Variants in DLC1 observed in about 807,000 individuals in gnomAD.
The protein encoded by DLC1 is rho GTPase-activating protein 7.
In DLC1, 54 loss-of-function variants were observed where a neutral mutation model predicts 140.3. That is an observed-to-expected ratio of 0.38 (90% CI 0.31 to 0.48). The LOEUF (loss-of-function observed/expected upper bound fraction) is 0.48, where lower values mean the gene tolerates loss of function less well. Among genes scored for constraint, DLC1 ranks in the 20% least tolerant of loss-of-function variants. The pLI, the probability that DLC1 is intolerant of heterozygous loss-of-function variation, is 0.96. For synonymous variants in DLC1, 986 were observed against 728.1 expected (o/e 1.35, Z -5.70); for missense variants, 2,536 against 1,907.0 (o/e 1.33, Z -6.14).
chr8:13,540,009 G>T (rs1448059987), intron 1 of DLC1, among the ~76,000 whole-genome samples: 2 of 152,166 alleles, frequency 1.3e-5, no homozygotes, highest in Non-Finnish European at 2.9e-5. Context: ...TCTGGAGACA[G>T]TTCACAGAGA....
intron 1 of DLC1, among the ~76,000 whole-genome samples, chr8:13,580,864 G>A (rs80018089): frequency 0.014 from 2,207 of 152,236 alleles, 60 homozygotes; most frequent in African/African-American, 0.051. Context: ...TCTAAAAATG[G>A]CAAGAGAATG....
At chr8:13,234,311 C>G (rs1336718256) in intron 5 of DLC1, among the ~76,000 whole-genome samples, 6 of 152,082 alleles carry the variant, frequency 3.9e-5, no homozygotes, top group African/African-American at 1.4e-4. Flanking sequence ...AAACTGATAG[C>G]AGCATGCCAT....
intron 4 of DLC1, among the ~76,000 whole-genome samples, chr8:13,312,080 G>GCAAGCTAGATAAACAGAAAGAGCCCCAT (rs1357436005): frequency 6.7e-6 from 1 of 149,876 alleles, no homozygotes; most frequent in South Asian, 2.2e-4. Context: ...AATTTCTTTA[G>GCAAGCTAGATAAACAGAAAGAGCCCCAT]GCCGGGCGCG....
intron 2 of DLC1, among the ~76,000 whole-genome samples, chr8:13,436,985 A>G (rs1038089510): frequency 6.6e-6 from 1 of 152,234 alleles, no homozygotes; most frequent in Non-Finnish European, 1.5e-5. Context: ...TGCTTATTTA[A>G]CACCTTTGGT....
intron 2 of DLC1, among the ~76,000 whole-genome samples, chr8:13,452,896 G>C (rs1231956514): frequency 6.6e-6 from 1 of 152,100 alleles, no homozygotes; most frequent in Non-Finnish European, 1.5e-5. Flanking sequence ...AGCTGTGCTG[G>C]CTCTAATTTC....
chr8:13,375,008 G>T lies in DLC1; in HGVS notation c.1314+18545C>A, dbSNP rs1253324290. ...TTGGCTCTCTGTTTGTCTGTTATTG[G>T]TGTATAAGAATGCTTGTGATTTTTT... On this transcript the variant is annotated intron_variant, in intron 4 of 17. Transcript: ENST00000276297. Among the ~76,000 whole-genome samples, 6 of 149,828 alleles carry T rather than the reference G, an allele frequency of 4.0e-5. No homozygotes were observed. In the East Asian group the frequency reaches 1.0e-3, roughly 25 times the overall value.
intron 2 of DLC1, among the ~76,000 whole-genome samples, chr8:13,475,607 A>T (rs1275507902): frequency 6.6e-6 from 1 of 152,246 alleles, no homozygotes; most frequent in East Asian, 1.9e-4. Context: ...ACGAAAAGAA[A>T]GACATAACTG....
rs1817774828 is a variant in DLC1, at chr8:13,088,648, C to T, written c.4131G>A (p.Val1377=). 6.2e-6 allele frequency: 10 copies of T among 1,614,018 alleles called. No individual in the cohort carries two copies. Among genetic ancestry groups the T allele is most frequent in the Non-Finnish European group, 8.5e-6 (10 of 1,180,038 alleles). The part of the protein sequence containing the change: ...LWRSVIEVPA[V]PEEILKRLLK... ...GTAGGCGCTTTAAGATTTCCTCTGG[C>T]ACAGCAGGGACTTCAATGACTGACC... is the stretch of plus-strand genomic sequence containing the variant. The change falls in exon 16 of 18, where the codon GTG becomes GTA. Residue 1377 remains valine (V), a synonymous_variant. Coordinates refer to ENST00000276297, the MANE Select transcript of DLC1 (RefSeq NM_182643.3).
chr8:13,590,111 C>T (rs1255760901), intron 1 of DLC1, among the ~76,000 whole-genome samples: 1 of 137,718 alleles, frequency 7.3e-6, no homozygotes, highest in African/African-American at 2.8e-5. Context: ...TTATTTTCCC[C>T]TGAAGTTTAT....
chr8:13,335,729 C>T (rs567876629), intron 4 of DLC1, among the ~76,000 whole-genome samples: 49 of 152,196 alleles, frequency 3.2e-4, no homozygotes, highest in African/African-American at 1.2e-3. Context: ...ACAAAATGCT[C>T]AAGCCAAACC....
At chr8:13,312,768 G>T (rs1274131499) in intron 4 of DLC1, among the ~76,000 whole-genome samples, 2 of 152,036 alleles carry the variant, frequency 1.3e-5, no homozygotes, top group Non-Finnish European at 2.9e-5. Context: ...TCTGTATGAT[G>T]ATTTGCCTGT....
chr8:13,418,698 C>T (rs888934123), intron 2 of DLC1, among the ~76,000 whole-genome samples: 3 of 152,178 alleles, frequency 2.0e-5, no homozygotes, highest in East Asian at 1.9e-4. Context: ...GCGATGCGGG[C>T]TCTTTTTTGG....
intron 3 of DLC1, among the ~76,000 whole-genome samples, chr8:13,399,013 A>G (rs1033051300): frequency 6.6e-6 from 1 of 152,158 alleles, no homozygotes; most frequent in African/African-American, 2.4e-5. Flanking sequence ...ATGTGGGAGA[A>G]GATCCAGGGA....
chr8:13,370,878 C>T (rs1308975971), intron 4 of DLC1, among the ~76,000 whole-genome samples: 1 of 150,772 alleles, frequency 6.6e-6, no homozygotes, highest in Non-Finnish European at 1.5e-5. Flanking sequence ...GGATCCCTGC[C>T]TTCCCTACTC....
chr8:13,588,422 G>A (rs192301064), intron 1 of DLC1, among the ~76,000 whole-genome samples: 1 of 152,138 alleles, frequency 6.6e-6, no homozygotes, highest in African/African-American at 2.4e-5. Context: ...GTAGTTGAGA[G>A]CCAGAGAAAG....
chr8:13,596,109 T>G (rs1805672141), intron 1 of DLC1, among the ~76,000 whole-genome samples: 1 of 152,084 alleles, frequency 6.6e-6, no homozygotes, highest in African/African-American at 2.4e-5. Flanking sequence ...ATGAAAATGA[T>G]AAGAGTGATG....
At chr8:13,201,177 G>A (rs1827360507) in intron 5 of DLC1, among the ~76,000 whole-genome samples, 1 of 151,734 alleles carries the variant, frequency 6.6e-6, no homozygotes, top group Non-Finnish European at 1.5e-5. Context: ...GATTTGTTTG[G>A]GACTGGATCC....
chr8:13,496,356 A>C (rs1456827535), intron 2 of DLC1, among the ~76,000 whole-genome samples: 1 of 152,138 alleles, frequency 6.6e-6, no homozygotes, highest in Non-Finnish European at 1.5e-5. Context: ...ACTAAATATT[A>C]TTTTATTTTT....
chr8:13,448,369 C>CTTT (rs33970379), intron 2 of DLC1, among the ~76,000 whole-genome samples: 1 of 143,842 alleles, frequency 7.0e-6, no homozygotes, highest in Non-Finnish European at 1.5e-5. Flanking sequence ...TCTTCTTCTT[C>CTTT]TTTTTTTTTT....
Sources: allele counts gnomAD v4.1 joint callset (sites outside exome capture counted in the v4.1 genomes callset), GRCh38; gene constraint gnomAD v4.1.1; transcripts MANE v1.5; gene names NCBI Gene and HGNC (gene_info 2026-07-23, HGNC 2026-07-21).